The following SAMHD1 variants were observed in gnomAD, a reference collection of about 807,000 sequenced individuals.
SAMHD1 encodes SAM and HD domain containing deoxynucleoside triphosphate triphosphohydrolase 1.
SAMHD1 carries 54 observed loss-of-function variants against 79.6 expected under a neutral mutation model. The ratio of observed to expected loss-of-function variants is 0.68; its 90% CI spans 0.55 to 0.85. The LOEUF (loss-of-function observed/expected upper bound fraction) is 0.85. Among genes scored for constraint, SAMHD1 ranks in the 40% least tolerant of loss-of-function variants. SAMHD1 has a pLI of 0.00. For missense variants in SAMHD1, 663 were observed against 782.7 expected (o/e 0.85, Z 1.82); for synonymous variants, 260 against 264.1 (o/e 0.98, Z 0.15).
chr20:36,940,643 G>A, intron 3 of SAMHD1: 2 of 263,832 alleles, frequency 7.6e-6, no homozygotes, highest in Non-Finnish European at 1.5e-5. Flanking sequence ...AGGTTGGAGT[G>A]AGCTGAGATT....
chr20:36,926,941 A>G (rs1399908245), intron 6 of SAMHD1: 1 of 469,902 alleles, frequency 2.1e-6, no homozygotes, highest in Non-Finnish European at 3.8e-6. Context: ...TGATGCATCA[A>G]TACACATCCA....
At chr20:36,912,590 AT>A in intron 9 of SAMHD1, 38 bp from the exon 10 acceptor site, 1 of 1,401,116 alleles carries the variant, frequency 7.1e-7, no homozygotes, top group Non-Finnish European at 1.0e-6. Context: ...ATAGGATCAG[AT>A]TATGTTAACG....
At chr20:36,932,225 G>C (rs541695065) in intron 4 of SAMHD1, among the ~76,000 whole-genome samples, 1 of 151,498 alleles carries the variant, frequency 6.6e-6, no homozygotes, top group Non-Finnish European at 1.5e-5. Context: ...TGCTTGGAAG[G>C]CTGTAATCCC....
At chr20:36,927,559 C>T (rs962110148) in intron 5 of SAMHD1, among the ~76,000 whole-genome samples, 3 of 152,108 alleles carry the variant, frequency 2.0e-5, no homozygotes, top group Middle Eastern at 3.4e-3. Context: ...TCAGGTGATC[C>T]GCCCGTCTCA....
intron 4 of SAMHD1, among the ~76,000 whole-genome samples, chr20:36,934,261 C>T (rs1171387623): frequency 6.6e-6 from 1 of 151,796 alleles, no homozygotes; most frequent in African/African-American, 2.4e-5. Flanking sequence ...CACAGTGGCT[C>T]ATACCTGTAA....
rs113298679 is a variant in SAMHD1, at chr20:36,910,591, A to C, written c.1270+627T>G. The stretch of plus-strand genomic sequence containing the variant: ...CTAAAAATACAAAAATTAGCTGGGC[A>C]TGGTGGGGCATGCCTATAATCTCAG... On this transcript the variant is annotated intron_variant, in intron 11 of 15. Coordinates refer to ENST00000646673, the MANE Select transcript of SAMHD1 (RefSeq NM_015474.4). Among the ~76,000 whole-genome samples, 124 of 151,682 alleles carry C rather than the reference A, an allele frequency of 8.2e-4. 1 individual carries two copies. Among genetic ancestry groups the C allele is most frequent in the African/African-American group, 2.9e-3 (121 of 41,346 alleles).
chr20:36,942,340 C>T (rs1308199565), intron 2 of SAMHD1, among the ~76,000 whole-genome samples: 1 of 152,122 alleles, frequency 6.6e-6, no homozygotes, highest in Non-Finnish European at 1.5e-5. Context: ...ATTGCTTGAA[C>T]CCGGGAGGCG....
At chr20:36,914,668 T>C (rs1212378177) in intron 9 of SAMHD1, among the ~76,000 whole-genome samples, 1 of 151,702 alleles carries the variant, frequency 6.6e-6, no homozygotes, top group East Asian at 2.0e-4. Context: ...CCTTGCCTTA[T>C]GATTTTCTTA....
chr20:36,946,075 G>C (rs2063683989), intron 2 of SAMHD1, among the ~76,000 whole-genome samples: 2 of 151,952 alleles, frequency 1.3e-5, no homozygotes, highest in South Asian at 2.1e-4. Context: ...TTGAGGCCAA[G>C]AGTTCAAGAC....
chr20:36,906,847 G>A (rs1478978732), intron 11 of SAMHD1, among the ~76,000 whole-genome samples: 3 of 150,726 alleles, frequency 2.0e-5, no homozygotes, highest in Non-Finnish European at 2.9e-5. Context: ...GTTGGAGTGC[G>A]GTGGCGTGAT....
At chr20:36,910,455 C>T (rs969609391) in intron 11 of SAMHD1, among the ~76,000 whole-genome samples, 14 of 151,698 alleles carry the variant, frequency 9.2e-5, no homozygotes, top group African/African-American at 3.4e-4. Context: ...ATGGGCCGGG[C>T]GTAGTGGCTC....
intron 4 of SAMHD1, among the ~76,000 whole-genome samples, chr20:36,932,749 C>T (rs1017181812): frequency 2.6e-5 from 4 of 151,884 alleles, no homozygotes; most frequent in Non-Finnish European, 5.9e-5. Context: ...AGAGTTTTGG[C>T]AAGTTTGGTT....
At position 36,912,321 on chromosome 20, in the gene SAMHD1, T is replaced by G; in HGVS notation, c.1154+140A>C. On this transcript the variant is annotated intron_variant, in intron 10 of 15. Transcript: ENST00000646673. Reference sequence around the variant, plus strand: ...TAAATTAACTTTATGCTAGATTTTTTTTCTTTAAGGAAACCATTTTCAATT... The same window carrying G: ...TAAATTAACTTTATGCTAGATTTTTGTTCTTTAAGGAAACCATTTTCAATT... 7.6e-6 allele frequency: 5 copies of G among 659,152 alleles called. 1 individual carries two copies. The South Asian group carries it at 8.4e-5, about 11-fold the overall frequency. The allele number at this position is 659,152 out of a possible 1,614,324, so 40.8% of individuals were successfully genotyped here.
At chr20:36,920,910 C>A (rs546293507) in intron 6 of SAMHD1, among the ~76,000 whole-genome samples, 175 of 151,292 alleles carry the variant, frequency 1.2e-3, no homozygotes, top group African/African-American at 4.1e-3. Flanking sequence ...CAAAGCAAGA[C>A]CCTGTCTCTA....
intron 3 of SAMHD1, among the ~76,000 whole-genome samples, chr20:36,938,568 G>A (rs2063619593): frequency 6.6e-6 from 1 of 151,860 alleles, no homozygotes; most frequent in East Asian, 1.9e-4. Flanking sequence ...CAGGCACGGT[G>A]GCACGTGCCT....
chr20:36,894,152 G>GGA, intron 15 of SAMHD1: 1 of 391,990 alleles, frequency 2.6e-6, no homozygotes. Flanking sequence ...CAAAACTTTT[G>GGA]TATCTCACCC....
chr20:36,909,619 C>T (rs1421713220), intron 11 of SAMHD1, among the ~76,000 whole-genome samples: 3 of 145,088 alleles, frequency 2.1e-5, no homozygotes, highest in East Asian at 2.0e-4. Flanking sequence ...TGCAGTGAGC[C>T]GAGATCGTGC....
At chr20:36,928,687 G>GA (rs1231569445) in intron 5 of SAMHD1, among the ~76,000 whole-genome samples, 72 of 127,636 alleles carry the variant, frequency 5.6e-4, no homozygotes, top group East Asian at 4.8e-4. Flanking sequence ...TCTGTCTCGG[G>GA]AAAAAAAAAA....
chr20:36,930,100 A>T (rs887810449), intron 5 of SAMHD1, among the ~76,000 whole-genome samples: 55 of 151,348 alleles, frequency 3.6e-4, no homozygotes, highest in East Asian at 2.7e-3. Flanking sequence ...AAAAAAAAAA[A>T]AATAAGCATA....
Sources: allele counts gnomAD v4.1 joint callset (sites outside exome capture counted in the v4.1 genomes callset), GRCh38; gene constraint gnomAD v4.1.1; transcripts MANE v1.5; gene names NCBI Gene and HGNC (gene_info 2026-07-23, HGNC 2026-07-21).